CLPX: variants seen among roughly 807,000 people sequenced by gnomAD.
The protein encoded by CLPX is ATP-dependent clpX-like chaperone, mitochondrial.
In CLPX, 34 loss-of-function variants were observed where a neutral mutation model predicts 76.4. The observed-to-expected ratio is 0.45, with a 90% CI of 0.34 to 0.59. CLPX has a LOEUF of 0.59. Among genes scored for constraint, CLPX ranks in the 20% least tolerant of loss-of-function variants. CLPX has a pLI of 0.01. For missense variants in CLPX, 613 were observed against 757.0 expected (o/e 0.81, Z 2.23); for synonymous variants, 248 against 270.9 (o/e 0.92, Z 0.83).
At chr15:65,182,569 C>G (rs1422874868) in intron 1 of CLPX, among the ~76,000 whole-genome samples, 1 of 152,180 alleles carries the variant, frequency 6.6e-6, no homozygotes, top group Non-Finnish European at 1.5e-5. Flanking sequence ...GACAAATCCA[C>G]AGACACTTCT....
intron 6 of CLPX, among the ~76,000 whole-genome samples, chr15:65,160,623 T>TCTCTCTCTCACACACACA (rs1219208926): frequency 9.9e-6 from 1 of 100,968 alleles, no homozygotes; most frequent in Non-Finnish European, 2.1e-5. Context: ...TCTCTCTCTC[T>TCTCTCTCTCACACACACA]CACACACACA....
intron 1 of CLPX, chr15:65,184,258 G>GA (rs975148003): frequency 6.6e-6 from 1 of 152,190 alleles, no homozygotes; most frequent in Non-Finnish European, 1.5e-5. Flanking sequence ...TTGAGGAAGA[G>GA]AAAAAAAGTT....
rs1385813143 is a variant in CLPX, at chr15:65,175,774, T to C, written c.358+3160A>G. Among the ~76,000 whole-genome samples the C allele has an allele frequency of 3.9e-5, 6 of 152,192 alleles. No individual in the cohort carries two copies. The South Asian group carries it at 6.2e-4, about 16-fold the overall frequency. ...TGCTCAACCTGTTAGTAACCTGAGA[T>C]CAAATAAAACTCTCTTTAGGACTAT... On this transcript the variant is annotated intron_variant, in intron 3 of 13. Transcript: ENST00000300107.
intron 6 of CLPX, among the ~76,000 whole-genome samples, chr15:65,160,339 G>C (rs2087838106): frequency 6.6e-6 from 1 of 152,086 alleles, no homozygotes; most frequent in Non-Finnish European, 1.5e-5. Context: ...ACCTTTGAGG[G>C]TTAATAATTA....
At chr15:65,183,120 C>T (rs755684005) in intron 1 of CLPX, among the ~76,000 whole-genome samples, 1 of 147,954 alleles carries the variant, frequency 6.8e-6, no homozygotes, top group Non-Finnish European at 1.5e-5. Context: ...GCCGAGATCG[C>T]GCTACTGCAC....
chr15:65,151,813 C>A (rs1233340767), intron 13 of CLPX, among the ~76,000 whole-genome samples: 1 of 152,120 alleles, frequency 6.6e-6, no homozygotes, highest in African/African-American at 2.4e-5. Context: ...TTGAGTTAAA[C>A]AGAAACCTAG....
chr15:65,179,827 G>GT (rs1297018473), intron 2 of CLPX, among the ~76,000 whole-genome samples: 3 of 152,120 alleles, frequency 2.0e-5, no homozygotes, highest in Non-Finnish European at 1.5e-5. Context: ...ACTTTGGGGT[G>GT]TAAGAAATTT....
chr15:65,167,778 C>T (rs1468125833), intron 3 of CLPX, among the ~76,000 whole-genome samples: 4 of 151,368 alleles, frequency 2.6e-5, no homozygotes, highest in Non-Finnish European at 5.9e-5. Context: ...ATCCCAGCTA[C>T]TCGGGAGGCT....
chr15:65,176,598 CTTTTTTTTTTTTTG>C (rs1566986132), intron 3 of CLPX, among the ~76,000 whole-genome samples: 1 of 140,938 alleles, frequency 7.1e-6, no homozygotes, highest in African/African-American at 2.6e-5. Flanking sequence ...TTTTTTCTTT[CTTTTTTTTTTTTTG>C]GAGACGGAGT....
chr15:65,176,821 C>G (rs2088096827), intron 3 of CLPX, among the ~76,000 whole-genome samples: 1 of 151,816 alleles, frequency 6.6e-6, no homozygotes, highest in African/African-American at 2.4e-5. Flanking sequence ...TCTTGAACGC[C>G]TCACCTCTGG....
intron 1 of CLPX, among the ~76,000 whole-genome samples, chr15:65,182,940 TCTC>T (rs1018089049): frequency 5.8e-5 from 8 of 137,820 alleles, no homozygotes; most frequent in African/African-American, 2.2e-4. Context: ...AGGCGGGTGA[TCTC>T]CTGGGGTCCA....
chr15:65,177,105 G>A (rs924498281), intron 3 of CLPX, among the ~76,000 whole-genome samples: 5 of 150,922 alleles, frequency 3.3e-5, no homozygotes, highest in South Asian at 2.1e-4. Flanking sequence ...TCACTCTGTC[G>A]CCCAGGCTGG....
chr15:65,162,566 G>C, intron 6 of CLPX, 38 bp downstream of exon 6: 1 of 1,416,052 alleles, frequency 7.1e-7, no homozygotes, highest in Non-Finnish European at 9.9e-7. Flanking sequence ...AATGTCAAAA[G>C]GAAGAATGAT....
chr15:65,160,625 A>ACT (rs1366867245), intron 6 of CLPX, among the ~76,000 whole-genome samples: 10 of 41,810 alleles, frequency 2.4e-4, no homozygotes, highest in Admixed American at 8.4e-4. Context: ...TCTCTCTCTC[A>ACT]CACACACACA....
chr15:65,155,640 T>G, intron 10 of CLPX, 52 bp downstream of exon 10: 1 of 1,438,792 alleles, frequency 7.0e-7, no homozygotes, highest in Non-Finnish European at 9.7e-7. Context: ...AAACTGAGTG[T>G]ACATCCTTTA....
chr15:65,156,877 TTGA>T lies in CLPX; in HGVS notation c.1110_1112del (p.His370del). ...CGCCTTCTCCACCTACATCCCGTAA[TTGA>T]TGAATGCCTGGCACACTGCCAATCT... On this transcript the variant is annotated inframe_deletion, in exon 9 of 14. Transcript: ENST00000300107. The T allele has an allele frequency of 6.2e-7, 1 of 1,613,634 alleles. No homozygotes were observed. The highest frequency in any genetic ancestry group is 8.5e-7 in the Non-Finnish European group (1 of 1,179,742).
intron 11 of CLPX, 60 bp from the exon 12 acceptor site, chr15:65,153,699 G>A: frequency 1.0e-6 from 1 of 979,382 alleles, no homozygotes; most frequent in Non-Finnish European, 1.5e-6. Context: ...ACCAGAAAAT[G>A]TACCATTAAG....
At chr15:65,166,532 T>G in intron 4 of CLPX, 99 bp downstream of exon 4, 1 of 1,226,410 alleles carries the variant, frequency 8.2e-7, no homozygotes, top group Non-Finnish European at 1.2e-6. Flanking sequence ...TAATACTTGT[T>G]TATATACTAG....
intron 6 of CLPX, 137 bp downstream of exon 6, chr15:65,162,467 C>T (rs936750662): frequency 3.6e-6 from 2 of 561,442 alleles, no homozygotes; most frequent in East Asian, 3.1e-5. Flanking sequence ...AGGATAAACA[C>T]ATTTAGATAA....
Sources: gnomAD v4.1 joint callset for allele counts (sites outside exome capture counted in the v4.1 genomes callset) on GRCh38, gnomAD v4.1.1 for gene constraint, MANE v1.5 for transcripts, NCBI Gene and HGNC (gene_info 2026-07-23, HGNC 2026-07-21) for gene names.